NOX3: variants seen among roughly 807,000 people sequenced by gnomAD.
NOX3 encodes NADPH oxidase 3.
Under a neutral mutation model 76.7 loss-of-function variants are expected in NOX3, and 74 were observed. The ratio of observed to expected loss-of-function variants is 0.96; its 90% CI spans 0.80 to 1.17. The LOEUF (loss-of-function observed/expected upper bound fraction) is 1.17, where lower values mean the gene tolerates loss of function less well. Among genes scored for constraint, NOX3 ranks in the 50% most tolerant of loss-of-function variants. The probability of loss-of-function intolerance (pLI) is 0.00; values close to 1 mark genes in which losing one functional copy is unlikely to be tolerated. For synonymous variants in NOX3, 263 were observed against 261.1 expected (o/e 1.01, Z -0.07); for missense variants, 695 against 703.3 (o/e 0.99, Z 0.13).
intron 12 of NOX3, among the ~76,000 whole-genome samples, chr6:155,403,069 T>C (rs899512502): frequency 2.0e-5 from 3 of 152,256 alleles, no homozygotes; most frequent in Non-Finnish European, 4.4e-5. Flanking sequence ...CTTTGTCCTT[T>C]GTGCAGAACA....
intron 7 of NOX3, among the ~76,000 whole-genome samples, chr6:155,432,893 G>A (rs1776853294): frequency 6.6e-6 from 1 of 152,094 alleles, no homozygotes; most frequent in South Asian, 2.1e-4. Flanking sequence ...ACCGAGCAAA[G>A]GAATCCTTAG....
chr6:155,397,048 T>A (rs1438526291), intron 12 of NOX3, 86 bp from the exon 13 acceptor site: 9 of 1,268,404 alleles, frequency 7.1e-6, no homozygotes, highest in Non-Finnish European at 9.6e-6. Context: ...ATTAATGAAG[T>A]GGTTGTGGCT....
At chr6:155,438,900 T>A (rs1776945128) in intron 6 of NOX3, among the ~76,000 whole-genome samples, 1 of 152,208 alleles carries the variant, frequency 6.6e-6, no homozygotes, top group South Asian at 2.1e-4. Context: ...AAAAAGGGCA[T>A]TAGCAACATT....
At chr6:155,409,610 G>T (rs938081401) in intron 11 of NOX3, among the ~76,000 whole-genome samples, 2 of 152,028 alleles carry the variant, frequency 1.3e-5, no homozygotes, top group African/African-American at 4.8e-5. Flanking sequence ...TTGTCATTTT[G>T]CCACTTTGAG....
intron 10 of NOX3, among the ~76,000 whole-genome samples, chr6:155,417,575 A>G (rs1776637083): frequency 6.6e-6 from 1 of 152,182 alleles, no homozygotes; most frequent in Non-Finnish European, 1.5e-5. Context: ...TCTTTAGGAG[A>G]AGCATGAATG....
chr6:155,419,365 C>A (rs1338763870), intron 10 of NOX3, among the ~76,000 whole-genome samples: 1 of 152,194 alleles, frequency 6.6e-6, no homozygotes, highest in Non-Finnish European at 1.5e-5. Flanking sequence ...GAAACACATG[C>A]TCAGGTCCTG....
At chr6:155,428,742 A>T in intron 9 of NOX3, 52 bp downstream of exon 9, 1 of 1,444,358 alleles carries the variant, frequency 6.9e-7, no homozygotes, top group Non-Finnish European at 9.2e-7. Flanking sequence ...ACATTAAGAT[A>T]CCTTACTTTT....
intron 3 of NOX3, among the ~76,000 whole-genome samples, chr6:155,453,834 C>T (rs1179513071): frequency 1.3e-5 from 2 of 152,076 alleles, no homozygotes; most frequent in African/African-American, 4.8e-5. Context: ...AAAATTATTC[C>T]TACATATACA....
chr6:155,422,906 CG>C lies in NOX3; in HGVS notation c.1146-51del, dbSNP rs753538656. ...TATTTGACCTTCAGAACACCTTGCT[CG>C]TGAACCCAGAACCATCCGGAGCTGG... On this transcript the variant is annotated intron_variant, in intron 9 of 13. Coordinates refer to ENST00000159060, the MANE Select transcript of NOX3 (RefSeq NM_015718.3). The C allele has an allele frequency of 2.5e-6, 4 of 1,597,382 alleles. No individual in the cohort carries two copies. The African/African-American group carries it at 5.4e-5, about 21-fold the overall frequency.
intron 4 of NOX3, among the ~76,000 whole-genome samples, chr6:155,444,046 T>A (rs1471756889): frequency 6.6e-6 from 1 of 152,204 alleles, no homozygotes; most frequent in South Asian, 2.1e-4. Context: ...ACATTATACA[T>A]GCTGATATGT....
At chr6:155,442,218 C>G (rs1056714264) in intron 5 of NOX3, among the ~76,000 whole-genome samples, 2 of 151,944 alleles carry the variant, frequency 1.3e-5, no homozygotes, top group South Asian at 2.1e-4. Flanking sequence ...GAGCCGTGAT[C>G]GCACCACTGC....
At chr6:155,450,677 A>G (rs1423680128) in intron 4 of NOX3, among the ~76,000 whole-genome samples, 2 of 152,182 alleles carry the variant, frequency 1.3e-5, no homozygotes, top group African/African-American at 4.8e-5. Context: ...TATCTCACCC[A>G]TTTAGCACCA....
At chr6:155,450,589 G>T (rs1777121109) in intron 4 of NOX3, among the ~76,000 whole-genome samples, 1 of 152,126 alleles carries the variant, frequency 6.6e-6, no homozygotes, top group Non-Finnish European at 1.5e-5. Flanking sequence ...TTCACTCTGT[G>T]GTAGAAAGTA....
chr6:155,415,518 C>T (rs1429515568), intron 10 of NOX3, among the ~76,000 whole-genome samples: 3 of 152,236 alleles, frequency 2.0e-5, no homozygotes, highest in Admixed American at 1.3e-4. Flanking sequence ...GCCCAGAACC[C>T]CTCTAAACAA....
chr6:155,401,790 C>CAAAAAAAAA (rs5881135), intron 12 of NOX3, among the ~76,000 whole-genome samples: 1 of 99,348 alleles, frequency 1.0e-5, no homozygotes, highest in Non-Finnish European at 2.4e-5. Flanking sequence ...ACTGAAATTA[C>CAAAAAAAAA]AAAAAAAAAA....
chr6:155,438,138 G>A (rs1776935603), intron 6 of NOX3, among the ~76,000 whole-genome samples: 1 of 152,112 alleles, frequency 6.6e-6, no homozygotes. Flanking sequence ...CTGTGAATAG[G>A]GCTTCTAGAT....
At chr6:155,434,336 C>A (rs975742509) in intron 7 of NOX3, among the ~76,000 whole-genome samples, 3 of 152,202 alleles carry the variant, frequency 2.0e-5, no homozygotes, top group Non-Finnish European at 4.4e-5. Context: ...GCTTCTCCGG[C>A]CTAGGACGAC....
intron 11 of NOX3, among the ~76,000 whole-genome samples, chr6:155,408,104 G>C (rs908177775): frequency 1.3e-5 from 2 of 151,972 alleles, no homozygotes; most frequent in African/African-American, 2.4e-5. Context: ...TCAGCCTCTC[G>C]AGTAGCTGGG....
In NOX3 at chr6:155,428,908, G is replaced by C; in HGVS notation, c.1031C>G (p.Pro344Arg). ...EWHPFTLTSA[P>R]QEDFFSVHIR... Reference sequence around the variant, plus strand: ...GTGCACGCTGAAAAAGTCCTCCTGGGGGGCAGAGGTAAGGGTGAAGGGGTG... The same window carrying C: ...GTGCACGCTGAAAAAGTCCTCCTGGCGGGCAGAGGTAAGGGTGAAGGGGTG... Residue 344 changes from proline (P) to arginine (R), a missense_variant, in exon 9 of 14, where the codon CCC (proline) becomes CGC (arginine). Coordinates refer to ENST00000159060, the MANE Select transcript of NOX3 (RefSeq NM_015718.3). 1 of 1,613,880 alleles carries C rather than the reference G, an allele frequency of 6.2e-7. No individual in the cohort carries two copies. The highest frequency in any genetic ancestry group is 8.5e-7 in the Non-Finnish European group (1 of 1,179,880).
Sources: allele counts gnomAD v4.1 joint callset (sites outside exome capture counted in the v4.1 genomes callset), GRCh38; gene constraint gnomAD v4.1.1; transcripts MANE v1.5; gene names NCBI Gene and HGNC (gene_info 2026-07-23, HGNC 2026-07-21).